The following GLDC variants were observed in gnomAD, a reference collection of about 807,000 sequenced individuals.
GLDC encodes glycine dehydrogenase (decarboxylating), mitochondrial.
A neutral mutation model predicts 121.3 loss-of-function variants in GLDC; 104 were observed. The ratio of observed to expected loss-of-function variants is 0.86; its 90% CI spans 0.73 to 1.01. The LOEUF (loss-of-function observed/expected upper bound fraction) is 1.01. GLDC is among the 50% of genes least tolerant of loss of function. The pLI, the probability that GLDC is intolerant of heterozygous loss-of-function variation, is 0.00. For missense variants in GLDC, 1,429 were observed against 1,306.6 expected (o/e 1.09, Z -1.44); for synonymous variants, 546 against 480.6 (o/e 1.14, Z -1.78).
chr9:6,571,520 C>T (rs1037551305), intron 15 of GLDC, among the ~76,000 whole-genome samples: 15 of 152,094 alleles, frequency 9.9e-5, no homozygotes, highest in African/African-American at 2.4e-4. Context: ...TGCCACTGTA[C>T]GATTTCACTG....
intron 5 of GLDC, 147 bp downstream of exon 5, chr9:6,606,445 A>G (rs1437415281): frequency 2.9e-6 from 2 of 693,892 alleles, no homozygotes; most frequent in East Asian, 5.4e-5. Flanking sequence ...AGTGAGAGGT[A>G]AGGCAAAACT....
intron 24 of GLDC, 42 bp downstream of exon 24, chr9:6,534,666 C>G: frequency 9.8e-7 from 1 of 1,022,372 alleles, no homozygotes; most frequent in Non-Finnish European, 1.6e-6. Context: ...AGGAGCTGGC[C>G]CATGCCTTCC....
In GLDC at chr9:6,639,659, TA is replaced by T. The variant is rs202066422; in HGVS notation, c.334+4954del. The T allele has an allele frequency of 5.3e-4, 143 of 268,736 alleles. 3 individuals are homozygous for T. The highest frequency in any genetic ancestry group is 8.8e-4 in the South Asian group (19 of 21,532). The allele number at this position is 268,736 out of a possible 1,614,324, so 16.6% of individuals were successfully genotyped here. A position where few individuals can be genotyped will look rare whatever the true frequency, so the allele number is the denominator to read the frequency against. On this transcript the variant is annotated intron_variant, in intron 2 of 24. Transcript: ENST00000321612. ...TAAATATATATATATCTTTTCACCA[TA>T]AAAAAAAAGTATATATATATATATA...
At position 6,589,189 on chromosome 9, in the gene GLDC, A is replaced by G; in HGVS notation, c.1580+6T>C. 2 of 1,564,278 alleles carry G rather than the reference A, an allele frequency of 1.3e-6. No homozygotes were observed. Among genetic ancestry groups the G allele is most frequent in the Non-Finnish European group, 1.8e-6 (2 of 1,134,542 alleles). On this transcript the variant is annotated splice_donor_region_variant and intron_variant, in intron 12 of 24. Coordinates refer to ENST00000321612, the MANE Select transcript of GLDC (RefSeq NM_000170.3). ...AAAACGCAGAAGTCACACAAGACAC[A>G]CAAACCTGTTGAACACTTGATGGGT...
intron 2 of GLDC, among the ~76,000 whole-genome samples, chr9:6,628,921 T>C (rs1313879697): frequency 6.6e-6 from 1 of 152,136 alleles, no homozygotes; most frequent in Non-Finnish European, 1.5e-5. Flanking sequence ...TCTGACCTTG[T>C]TTATTCTGCC....
intron 12 of GLDC, 21 bp downstream of exon 12, chr9:6,589,174 A>C (rs1331023668): frequency 7.0e-7 from 1 of 1,428,288 alleles, no homozygotes; most frequent in East Asian, 2.3e-5. Flanking sequence ...AAAACGCAGA[A>C]GTCACACAAG....
At chr9:6,643,491 G>C (rs765410605) in intron 2 of GLDC, among the ~76,000 whole-genome samples, 1 of 150,758 alleles carries the variant, frequency 6.6e-6, no homozygotes, top group African/African-American at 2.4e-5. Flanking sequence ...AGAAGAAAAA[G>C]AGATAAGTAT....
intron 16 of GLDC, among the ~76,000 whole-genome samples, chr9:6,560,874 G>C (rs928618852): frequency 2.0e-5 from 3 of 152,172 alleles, no homozygotes; most frequent in Non-Finnish European, 4.4e-5. Flanking sequence ...AATTCTTCTG[G>C]ATTTTGGGCT....
intron 2 of GLDC, among the ~76,000 whole-genome samples, chr9:6,624,210 G>A (rs1231539522): frequency 6.6e-6 from 1 of 152,194 alleles, no homozygotes; most frequent in Non-Finnish European, 1.5e-5. Flanking sequence ...AAGTTGAATT[G>A]TGTTCCCAAA....
chr9:6,576,941 C>T (rs1312925188), intron 15 of GLDC, among the ~76,000 whole-genome samples: 2 of 152,116 alleles, frequency 1.3e-5, no homozygotes, highest in Middle Eastern at 3.2e-3. Flanking sequence ...CATAACAGAG[C>T]CTTAAAAACC....
intron 21 of GLDC, 69 bp from the exon 22 acceptor site, chr9:6,540,215 G>C: frequency 1.0e-6 from 1 of 992,150 alleles, no homozygotes; most frequent in Non-Finnish European, 1.6e-6. Context: ...AAATGAATAA[G>C]TAATTTAATA....
intron 2 of GLDC, among the ~76,000 whole-genome samples, chr9:6,641,924 T>G (rs1470090764): frequency 6.6e-6 from 1 of 152,220 alleles, no homozygotes; most frequent in Admixed American, 6.5e-5. Flanking sequence ...GAAGCCAAGT[T>G]TGAGTAATGG....
chr9:6,592,357 C>G, intron 10 of GLDC, 134 bp from the exon 11 acceptor site: 2 of 711,840 alleles, frequency 2.8e-6, no homozygotes, highest in Non-Finnish European at 5.1e-6. Flanking sequence ...ACAATTATCT[C>G]CACGCTAAGG....
intron 2 of GLDC, 77 bp from the exon 3 acceptor site, chr9:6,620,396 T>G: frequency 8.1e-7 from 1 of 1,229,580 alleles, no homozygotes; most frequent in Non-Finnish European, 1.2e-6. Context: ...AATCCCTCAT[T>G]TTGTTTGAGT....
At position 6,536,226 on chromosome 9, in the gene GLDC, G is replaced by A; in HGVS notation, c.2676C>T (p.Ala892=). 1 of 1,613,706 alleles carries A rather than the reference G, an allele frequency of 6.2e-7. No individual in the cohort carries two copies. The highest frequency in any genetic ancestry group is 8.5e-7 in the Non-Finnish European group (1 of 1,179,844). ...AKRLQDYGFH[A]PTMSWPVAGT... ...CTGCCACAGGCCAGGACATGGTAGG[G>A]GCGTGAAATCCTGCAAAGGGAGACA... The change falls in exon 23 of 25, where the codon GCC becomes GCT. Residue 892 remains alanine, a synonymous_variant. Coordinates refer to ENST00000321612, the MANE Select transcript of GLDC (RefSeq NM_000170.3).
intron 2 of GLDC, among the ~76,000 whole-genome samples, chr9:6,632,702 C>G (rs150608459): frequency 3.3e-4 from 51 of 152,312 alleles, no homozygotes; most frequent in African/African-American, 1.2e-3. Flanking sequence ...GCCCTCACTC[C>G]CAGCCTCCTG....
At chr9:6,576,498 C>G (rs963618864) in intron 15 of GLDC, among the ~76,000 whole-genome samples, 1 of 152,058 alleles carries the variant, frequency 6.6e-6, no homozygotes, top group Non-Finnish European at 1.5e-5. Context: ...TGGGGTTTCA[C>G]TCTTGTCGCC....
intron 2 of GLDC, among the ~76,000 whole-genome samples, chr9:6,629,167 G>A (rs961046488): frequency 4.0e-5 from 6 of 151,558 alleles, no homozygotes; most frequent in African/African-American, 1.5e-4. Context: ...ACTAACCACT[G>A]CATCAAATAA....
At chr9:6,569,019 G>A (rs925858727) in intron 15 of GLDC, 1 of 152,148 alleles carries the variant, frequency 6.6e-6, no homozygotes. Context: ...ACCAGAAAAA[G>A]TAGAACAACT....
Sources: allele counts gnomAD v4.1 joint callset (sites outside exome capture counted in the v4.1 genomes callset), GRCh38; gene constraint gnomAD v4.1.1; transcripts MANE v1.5; gene names NCBI Gene and HGNC (gene_info 2026-07-23, HGNC 2026-07-21).